Variants in TFEC observed in about 807,000 individuals in gnomAD.
TFEC encodes the protein transcription factor EC, also known as class E basic helix-loop-helix protein 34.
A neutral mutation model predicts 41.6 loss-of-function variants in TFEC; 31 were observed. The ratio of observed to expected loss-of-function variants is 0.74; its 90% CI spans 0.56 to 1.01. The LOEUF (loss-of-function observed/expected upper bound fraction) is 1.01, where lower values mean the gene tolerates loss of function less well. Ranked by LOEUF, TFEC falls within the 50% of genes least tolerant of loss-of-function variation. TFEC has a pLI of 0.00. For missense variants in TFEC, 402 were observed against 404.1 expected, an observed-to-expected ratio of 0.99 and a Z score of 0.04; for synonymous variants, 143 against 140.6, an observed-to-expected ratio of 1.02 and a Z score of -0.12.
At chr7:116,050,541 A>C (rs56102850) in intron 3 of TFEC, among the ~76,000 whole-genome samples, 2,868 of 152,362 alleles carry the variant, frequency 0.019, 86 homozygotes, top group African/African-American at 0.065. Flanking sequence ...CAGACACATC[A>C]AAAAGTGCTC....
In TFEC at chr7:115,974,406, TTATATATATATATATATATA is replaced by T. The variant is rs572119521; in HGVS notation, c.181-170_181-151del. 8.3e-3 allele frequency: 537 copies of T among 65,018 alleles called. 16 individuals carry two copies. Among genetic ancestry groups the T allele is most frequent in the Middle Eastern group, 0.023 (3 of 132 alleles). 4.0% of individuals were successfully genotyped at this position (65,018 alleles called of 1,614,324 possible). On this transcript the variant is annotated intron_variant, in intron 2 of 7. Transcript: ENST00000265440. ...TATACATATATATAAAACCTCAATA[TTATATATATATATATATATA>T]TATATATATATATATATATATATAA...
chr7:116,124,352 A>C (rs1050201482), intron 1 of TFEC, among the ~76,000 whole-genome samples: 2 of 152,138 alleles, frequency 1.3e-5, no homozygotes, highest in African/African-American at 4.8e-5. Flanking sequence ...ACAAAGTTTT[A>C]CTTCTTGGGC....
chr7:116,093,483 C>T (rs752241062), intron 3 of TFEC, among the ~76,000 whole-genome samples: 6 of 152,054 alleles, frequency 3.9e-5, no homozygotes, highest in African/African-American at 1.2e-4. Context: ...GAATATTAGA[C>T]GTATATGCTC....
intron 1 of TFEC, among the ~76,000 whole-genome samples, chr7:116,019,940 G>A (rs1472588379): frequency 6.6e-6 from 1 of 152,096 alleles, no homozygotes; most frequent in African/African-American, 2.4e-5. Context: ...CTATTCTGGT[G>A]AACTCTTCAA....
intron 1 of TFEC, among the ~76,000 whole-genome samples, chr7:116,000,975 C>T (rs554324485): frequency 4.0e-5 from 6 of 150,550 alleles, no homozygotes; most frequent in Non-Finnish European, 5.9e-5. Flanking sequence ...AAAATTAATA[C>T]GGAAACACAA....
rs1345433676 is a variant in TFEC, at chr7:115,950,798, C to T, written c.515+76G>A. On this transcript the variant is annotated intron_variant, in intron 6 of 7. Coordinates refer to ENST00000265440, the MANE Select transcript of TFEC (RefSeq NM_012252.4). ...TTAGTTTCCTAGTCATTGGTTCTCT[C>T]CTCCCTTCTTCCCTCCCATTCATTT... is the stretch of plus-strand genomic sequence containing the variant. 10 of 1,143,536 alleles carry T rather than the reference C, an allele frequency of 8.7e-6. No homozygotes were observed. In the Admixed American group the frequency reaches 2.2e-4, roughly 26 times the overall value. The allele number at this position is 1,143,536 out of a possible 1,614,324, so 70.8% of individuals were successfully genotyped here. A position where few individuals can be genotyped will look rare whatever the true frequency, so the allele number is the denominator to read the frequency against.
chr7:115,948,928 A>T (rs1009668260), intron 6 of TFEC, among the ~76,000 whole-genome samples: 2 of 151,680 alleles, frequency 1.3e-5, no homozygotes, highest in Non-Finnish European at 2.9e-5. Context: ...TGCAGATGAC[A>T]TGATTGTATA....
In TFEC at chr7:116,108,354, A is replaced by T. The variant is rs73462576; in HGVS notation, c.198+2354T>A. Among the ~76,000 whole-genome samples, 1,403 of 152,282 alleles carry T rather than the reference A, an allele frequency of 9.2e-3. 22 individuals are homozygous for T. The highest frequency in any genetic ancestry group is 0.031 in the African/African-American group (1,278 of 41,568). ...TGGCAATACTTGTAGGCCCAATTCA[A>T]ATGTCTCCACAGTAACAAAGCCTTC... is the stretch of plus-strand genomic sequence containing the variant. On this transcript the variant is annotated intron_variant, in intron 3 of 8. Coordinates refer to the TFEC transcript ENST00000484212.
chr7:116,109,211 A>G (rs1455134576), intron 3 of TFEC, among the ~76,000 whole-genome samples: 3 of 152,112 alleles, frequency 2.0e-5, no homozygotes, highest in Non-Finnish European at 4.4e-5. Context: ...ACAAAAGCCA[A>G]AATTGACAAA....
At chr7:115,971,472 C>G (rs1323903362) in intron 3 of TFEC, among the ~76,000 whole-genome samples, 1 of 151,734 alleles carries the variant, frequency 6.6e-6, no homozygotes, top group Non-Finnish European at 1.5e-5. Context: ...CCCTTTGTTT[C>G]TTTTGTTTTT....
intron 1 of TFEC, among the ~76,000 whole-genome samples, chr7:116,015,219 G>A (rs1362893657): frequency 6.6e-6 from 1 of 151,660 alleles, no homozygotes; most frequent in Non-Finnish European, 1.5e-5. Context: ...GGAAATGCTG[G>A]TGCCATGGTA....
intron 1 of TFEC, among the ~76,000 whole-genome samples, chr7:116,130,084 ACTCT>A (rs1425502787): frequency 6.9e-6 from 1 of 144,290 alleles, no homozygotes; most frequent in African/African-American, 2.6e-5. Context: ...ACACACACAC[ACTCT>A]TACTTGAAAA....
intron 3 of TFEC, among the ~76,000 whole-genome samples, chr7:116,073,873 A>G (rs571804904): frequency 1.3e-5 from 2 of 152,088 alleles, no homozygotes; most frequent in African/African-American, 2.4e-5. Context: ...GAAATAATAG[A>G]CATAGATCAA....
chr7:116,149,935 A>G (rs2116455585), intron 1 of TFEC, among the ~76,000 whole-genome samples: 1 of 152,166 alleles, frequency 6.6e-6, no homozygotes. Context: ...ACTCTAGGCA[A>G]TGGGGCATCC....
intron 3 of TFEC, among the ~76,000 whole-genome samples, chr7:115,973,028 C>G (rs1264406265): frequency 6.6e-6 from 1 of 151,850 alleles, no homozygotes; most frequent in Non-Finnish European, 1.5e-5. Context: ...TTTCATGTCA[C>G]TATGGCTACT....
chr7:115,999,086 TA>T (rs1399294156), intron 1 of TFEC, among the ~76,000 whole-genome samples: 1 of 151,964 alleles, frequency 6.6e-6, no homozygotes, highest in Non-Finnish European at 1.5e-5. Context: ...TAACAAGTCT[TA>T]AAAATTCACA....
intron 1 of TFEC, among the ~76,000 whole-genome samples, chr7:116,022,005 G>C (rs540460047): frequency 2.0e-5 from 3 of 152,222 alleles, no homozygotes; most frequent in Non-Finnish European, 4.4e-5. Flanking sequence ...CAGGCTTATC[G>C]GCCCTGCCTG....
intron 3 of TFEC, among the ~76,000 whole-genome samples, chr7:116,059,685 G>A (rs531828858): frequency 6.6e-6 from 1 of 152,052 alleles, no homozygotes; most frequent in East Asian, 1.9e-4. Context: ...TTTAACATGT[G>A]AATGTTAATC....
At chr7:116,106,755 T>C (rs1797727660) in intron 3 of TFEC, among the ~76,000 whole-genome samples, 1 of 152,172 alleles carries the variant, frequency 6.6e-6, no homozygotes, top group Admixed American at 6.5e-5. Context: ...TCTCAGCTTT[T>C]TGAGGCAAGA....
Sources: allele counts gnomAD v4.1 joint callset (sites outside exome capture counted in the v4.1 genomes callset), GRCh38; gene constraint gnomAD v4.1.1; transcripts MANE v1.5; gene names NCBI Gene and HGNC (gene_info 2026-07-23, HGNC 2026-07-21).